Variants in SGTB observed in about 807,000 individuals in gnomAD.
SGTB encodes the protein small glutamine-rich tetratricopeptide repeat-containing protein beta.
In SGTB, 19 loss-of-function variants were observed where a neutral mutation model predicts 43.9. The ratio of observed to expected loss-of-function variants is 0.43; its 90% CI spans 0.30 to 0.63. The LOEUF (loss-of-function observed/expected upper bound fraction) is 0.63, where lower values mean the gene tolerates loss of function less well. Among genes scored for constraint, SGTB ranks in the 30% least tolerant of loss-of-function variants. The pLI is 0.12. For synonymous variants in SGTB, 116 were observed against 117.3 expected (o/e 0.99, Z 0.07); for missense variants, 304 against 358.9 (o/e 0.85, Z 1.24).
chr5:65,670,204 G>T lies in SGTB; in HGVS notation c.*42C>A. On this transcript the variant is annotated 3_prime_UTR_variant, in exon 11 of 11. Transcript: ENST00000381007. ...ATCTACAACAAATACTTCATTCATA[G>T]CCATAAACCATTTGTATCTTGGGCT... is the stretch of plus-strand genomic sequence containing the variant. The T allele has an allele frequency of 6.4e-7, 1 of 1,557,608 alleles. No individual in the cohort carries two copies. Among genetic ancestry groups the T allele is most frequent in the Non-Finnish European group, 8.9e-7 (1 of 1,129,548 alleles).
rs185126390 is a variant in SGTB at position 65,685,589 on chromosome 5, A to C, written c.375-117T>G. ...CCAATTTGTAGATCACTCCCACTAA[A>C]TTTCTAAGTCAAACTGTCTAAGATA... On this transcript the variant is annotated intron_variant, in intron 5 of 10. Coordinates refer to ENST00000381007, the MANE Select transcript of SGTB (RefSeq NM_019072.3). The C allele has an allele frequency of 7.0e-6, 5 of 716,508 alleles. No homozygotes were observed. In the Admixed American group the frequency reaches 1.1e-4, roughly 16 times the overall value. The allele number at this position is 716,508 out of a possible 1,614,324, so 44.4% of individuals were successfully genotyped here.
At chr5:65,704,654 A>T (rs181016929) in intron 4 of SGTB, among the ~76,000 whole-genome samples, 7 of 152,322 alleles carry the variant, frequency 4.6e-5, no homozygotes, top group Admixed American at 3.3e-4. Flanking sequence ...AACAATTATG[A>T]CTATCTCATG....
At position 65,672,170 on chromosome 5, in the gene SGTB, C is replaced by T. The variant is rs1757172172; in HGVS notation, c.719+74G>A. The T allele has an allele frequency of 3.1e-6, 5 of 1,600,996 alleles. No individual in the cohort carries two copies. In the East Asian group the frequency reaches 1.1e-4, roughly 36 times the overall value. On this transcript the variant is annotated intron_variant, in intron 9 of 10. Coordinates refer to ENST00000381007, the MANE Select transcript of SGTB (RefSeq NM_019072.3). ...TCAGAACAGTTTCATCATTTTTGAG[C>T]TGATGTGCTCAAATTAGGAGCCTGG...
chr5:65,720,883 G>A, intron 1 of SGTB, 54 bp from the exon 2 acceptor site: 2 of 1,550,860 alleles, frequency 1.3e-6, no homozygotes, highest in Non-Finnish European at 1.7e-6. Context: ...AATCAGTCAG[G>A]AAAGTCATAA....
At chr5:65,703,474 G>T (rs1356229038) in intron 5 of SGTB, among the ~76,000 whole-genome samples, 2 of 152,182 alleles carry the variant, frequency 1.3e-5, no homozygotes, top group Non-Finnish European at 2.9e-5. Context: ...GGGAGGCCAA[G>T]GCAGGTGGAT....
chr5:65,703,052 C>T (rs1018370982), intron 5 of SGTB, among the ~76,000 whole-genome samples: 1 of 152,104 alleles, frequency 6.6e-6, no homozygotes, highest in Non-Finnish European at 1.5e-5. Flanking sequence ...TCTAGATCTA[C>T]TAAGTGCATT....
chr5:65,714,990 TTA>T (rs2150724491), intron 2 of SGTB, among the ~76,000 whole-genome samples: 1 of 152,290 alleles, frequency 6.6e-6, no homozygotes, highest in East Asian at 1.9e-4. Flanking sequence ...TGAGAATGAA[TTA>T]GAGAGAAAAG....
chr5:65,684,796 G>T lies in SGTB; in HGVS notation c.479+572C>A, dbSNP rs183137461. Among the ~76,000 whole-genome samples the T allele has an allele frequency of 4.0e-3, 606 of 151,918 alleles. 15 individuals are homozygous for T. The highest frequency in any genetic ancestry group is 0.036 in the Admixed American group (548 of 15,250). On this transcript the variant is annotated intron_variant, in intron 6 of 10. Transcript: ENST00000381007. ...TTAAACTCCTGACCTCAAGTGATCT[G>T]CCCACCTTGGCCTTCCAAAGTGCTG...
chr5:65,716,699 G>A (rs13190020), intron 2 of SGTB, among the ~76,000 whole-genome samples: 58,131 of 151,768 alleles, frequency 0.38, 11,534 homozygotes, highest in African/African-American at 0.49. Flanking sequence ...TCAGAAGTTC[G>A]GTTTTGGCCA....
At chr5:65,697,958 C>A (rs1216852684) in intron 5 of SGTB, among the ~76,000 whole-genome samples, 2 of 152,104 alleles carry the variant, frequency 1.3e-5, no homozygotes, top group Non-Finnish European at 2.9e-5. Flanking sequence ...TAAAGTCTTG[C>A]ACAGAAAATA....
chr5:65,679,525 G>C (rs999485241), intron 8 of SGTB, among the ~76,000 whole-genome samples: 1 of 152,092 alleles, frequency 6.6e-6, no homozygotes, highest in Admixed American at 6.5e-5. Flanking sequence ...GCTGAGGCAG[G>C]AGATTCGCTT....
rs1757413254 is a variant in SGTB, at chr5:65,682,334, G to C, written c.480-1540C>G. On this transcript the variant is annotated intron_variant, in intron 6 of 10. Transcript: ENST00000381007. Reference sequence around the variant, plus strand: ...GATAGAGGACCATTGCTTGGAGTTTGAACTTTATTCTGGTTGCAATGGAGT... The same window carrying C: ...GATAGAGGACCATTGCTTGGAGTTTCAACTTTATTCTGGTTGCAATGGAGT... Among the ~76,000 whole-genome samples, 3 of 152,346 alleles carry C rather than the reference G, an allele frequency of 2.0e-5. No homozygotes were observed. In the South Asian group the frequency reaches 6.2e-4, roughly 32 times the overall value.
At chr5:65,704,049 A>AATAAATAAAT (rs367586277) in intron 5 of SGTB, among the ~76,000 whole-genome samples, 10 of 139,690 alleles carry the variant, frequency 7.2e-5, no homozygotes, top group South Asian at 2.3e-4. Flanking sequence ...AAAAAAAAAA[A>AATAAATAAAT]AAATAAATAA....
chr5:65,670,415 C>G, intron 10 of SGTB, 58 bp from the exon 11 acceptor site: 1 of 1,429,658 alleles, frequency 7.0e-7, no homozygotes. Context: ...TTTACCCACG[C>G]AAAAAGAAAT....
At chr5:65,707,668 T>C (rs1393236754) in intron 4 of SGTB, among the ~76,000 whole-genome samples, 2 of 151,992 alleles carry the variant, frequency 1.3e-5, no homozygotes, top group African/African-American at 4.8e-5. Flanking sequence ...CTCCTGACCT[T>C]GTGATCCACC....
chr5:65,704,049 A>ATAAAT (rs1554025722), intron 5 of SGTB, among the ~76,000 whole-genome samples: 109 of 139,686 alleles, frequency 7.8e-4, no homozygotes, highest in Middle Eastern at 3.6e-3. Flanking sequence ...AAAAAAAAAA[A>ATAAAT]AAATAAATAA....
intron 8 of SGTB, among the ~76,000 whole-genome samples, chr5:65,673,809 C>T (rs1281274287): frequency 6.6e-6 from 1 of 152,146 alleles, no homozygotes; most frequent in African/African-American, 2.4e-5. Flanking sequence ...GCATGCACCA[C>T]CATGCCCAGC....
intron 4 of SGTB, among the ~76,000 whole-genome samples, chr5:65,705,274 C>CG (rs1554025819): frequency 6.6e-6 from 1 of 151,494 alleles, no homozygotes; most frequent in Non-Finnish European, 1.5e-5. Flanking sequence ...GGGACCCCCC[C>CG]TCATCTCAAC....
At chr5:65,694,026 T>C (rs911308656) in intron 5 of SGTB, among the ~76,000 whole-genome samples, 3 of 152,156 alleles carry the variant, frequency 2.0e-5, no homozygotes, top group Non-Finnish European at 4.4e-5. Context: ...TTTTAATTAA[T>C]TTATATTTAA....
Sources: gnomAD v4.1 joint callset for allele counts (sites outside exome capture counted in the v4.1 genomes callset) on GRCh38, gnomAD v4.1.1 for gene constraint, MANE v1.5 for transcripts, NCBI Gene and HGNC (gene_info 2026-07-23, HGNC 2026-07-21) for gene names.